CUX1: variants seen among roughly 807,000 people sequenced by gnomAD.
CUX1 encodes the protein protein CASP.
Under a neutral mutation model 158.8 loss-of-function variants are expected in CUX1, and 31 were observed. The ratio of observed to expected loss-of-function variants is 0.20; its 90% CI spans 0.15 to 0.26. The LOEUF (loss-of-function observed/expected upper bound fraction) is 0.26, where lower values mean the gene tolerates loss of function less well. Among genes scored for constraint, CUX1 ranks in the 10% least tolerant of loss-of-function variants. CUX1 has a pLI of 1.00. For missense variants in CUX1, 1,589 were observed against 2,014.6 expected (o/e 0.79, Z 4.04); for synonymous variants, 879 against 862.1 (o/e 1.02, Z -0.34).
rs750170216 is a variant in CUX1, at chr7:101,948,673, G to C, written c.141+32448G>C. Among the ~76,000 whole-genome samples, 8 of 152,192 alleles carry C rather than the reference G, an allele frequency of 5.3e-5. 1 individual carries two copies. Among genetic ancestry groups the C allele is most frequent in the Admixed American group, 6.5e-5 (1 of 15,280 alleles). The stretch of plus-strand genomic sequence containing the variant: ...GGGGCTACTGGTTGGTGGCTCTGCT[G>C]GGGGGGCATCACAGAGTCTCTCTTC... On this transcript the variant is annotated intron_variant, in intron 2 of 23. Transcript: ENST00000292535.
Position 101,869,756 on chromosome 7 carries a change from G to C in CUX1, c.31-46359G>C, listed in dbSNP as rs1798286747. On this transcript the variant is annotated intron_variant, in intron 1 of 23. Transcript: ENST00000292535. The surrounding 1 kb of genome is among the most constrained non-coding windows in gnomAD (Gnocchi z 4.5). Reference sequence around the variant, plus strand: ...CACAGGCTGCAGAGGAAGCGCAGGGGAGGCGCAGGGGAGGCCAGGCTCTGG... The same window carrying C: ...CACAGGCTGCAGAGGAAGCGCAGGGCAGGCGCAGGGGAGGCCAGGCTCTGG... Among the ~76,000 whole-genome samples, 1 of 152,144 alleles carries C rather than the reference G, an allele frequency of 6.6e-6. No homozygotes were observed. Among genetic ancestry groups the C allele is most frequent in the Non-Finnish European group, 1.5e-5 (1 of 67,996 alleles).
At chr7:102,134,832 G>T (rs544597080) in intron 8 of CUX1, among the ~76,000 whole-genome samples, 21 of 152,204 alleles carry the variant, frequency 1.4e-4, no homozygotes, top group African/African-American at 4.8e-4. Context: ...CTGGGCTCAA[G>T]CGATCCTCCC....
At chr7:102,279,470 C>T (rs556044321) in intron 18 of CUX1, among the ~76,000 whole-genome samples, 1 of 152,362 alleles carries the variant, frequency 6.6e-6, no homozygotes, top group South Asian at 2.1e-4. Flanking sequence ...TGCGTGGCTT[C>T]TCTCAGCCCC....
chr7:101,899,199 C>T (rs1446802760), intron 1 of CUX1, among the ~76,000 whole-genome samples: 1 of 152,188 alleles, frequency 6.6e-6, no homozygotes, highest in Non-Finnish European at 1.5e-5. Context: ...CATTACTGAG[C>T]GGCCTTTTGC....
intron 3 of CUX1, among the ~76,000 whole-genome samples, chr7:102,038,371 G>C (rs1411544916): frequency 6.6e-6 from 1 of 152,122 alleles, no homozygotes; most frequent in Non-Finnish European, 1.5e-5. Context: ...CATGTCAATG[G>C]GGGGAGAAAC....
At chr7:102,137,951 C>T (rs1176478705) in intron 8 of CUX1, among the ~76,000 whole-genome samples, 1 of 152,014 alleles carries the variant, frequency 6.6e-6, no homozygotes, top group Non-Finnish European at 1.5e-5. Flanking sequence ...TTTGGGAGGC[C>T]AAGGCAGAAG....
intron 2 of CUX1, among the ~76,000 whole-genome samples, chr7:102,020,153 G>A (rs1375751662): frequency 6.6e-6 from 1 of 152,212 alleles, no homozygotes; most frequent in Non-Finnish European, 1.5e-5. Context: ...CATACTTACT[G>A]TCTGCTGTTG....
intron 1 of CUX1, among the ~76,000 whole-genome samples, chr7:101,877,088 C>T (rs1278248203): frequency 6.6e-6 from 1 of 152,194 alleles, no homozygotes; most frequent in African/African-American, 2.4e-5. Context: ...ATTTTTATGA[C>T]TTTGGGTACA....
chr7:101,977,507 T>C (rs1344689453), intron 2 of CUX1, among the ~76,000 whole-genome samples: 1 of 152,116 alleles, frequency 6.6e-6, no homozygotes, highest in East Asian at 1.9e-4. Context: ...CCAGGCATGA[T>C]GGTGCACACC....
At chr7:101,942,725 C>G (rs1054084336) in intron 2 of CUX1, among the ~76,000 whole-genome samples, 1 of 152,256 alleles carries the variant, frequency 6.6e-6, no homozygotes, top group Non-Finnish European at 1.5e-5. Context: ...CGTCGACCTC[C>G]CAAAGTACTG....
rs576012951 is a variant in CUX1, at chr7:102,015,976, C to T, written c.142-12122C>T. On this transcript the variant is annotated intron_variant, in intron 2 of 23. Coordinates refer to ENST00000292535, the MANE Select transcript of CUX1 (RefSeq NM_181552.4). The stretch of plus-strand genomic sequence containing the variant: ...TACAGGCACATGCCACTACACGTGG[C>T]TACTTTTTAAAATTTTTTTGTAGAG... 2.6e-5 allele frequency among the ~76,000 whole-genome samples: 4 copies of T among 152,122 alleles called. No individual in the cohort carries two copies. In the South Asian group the frequency reaches 8.3e-4, roughly 32 times the overall value.
At chr7:101,884,778 A>G (rs935747655) in intron 1 of CUX1, among the ~76,000 whole-genome samples, 1 of 152,210 alleles carries the variant, frequency 6.6e-6, no homozygotes, top group Non-Finnish European at 1.5e-5. Flanking sequence ...TTTAATGGAT[A>G]TTTACACAGT....
At chr7:102,191,927 C>T (rs553831343) in intron 12 of CUX1, among the ~76,000 whole-genome samples, 24 of 152,260 alleles carry the variant, frequency 1.6e-4, no homozygotes, top group African/African-American at 5.3e-4. Flanking sequence ...CCACAGGCTG[C>T]CCCTACCCCC....
chr7:102,120,466 G>T (rs1480672926), intron 8 of CUX1, among the ~76,000 whole-genome samples: 1 of 152,116 alleles, frequency 6.6e-6, no homozygotes, highest in African/African-American at 2.4e-5. Flanking sequence ...AGTAAAATTC[G>T]TATTTCTTAA....
intron 7 of CUX1, among the ~76,000 whole-genome samples, chr7:102,113,644 A>G (rs1294033436): frequency 6.6e-6 from 1 of 150,524 alleles, no homozygotes; most frequent in African/African-American, 2.5e-5. Flanking sequence ...TGCAGCCTCA[A>G]ACTCCTGGGC....
intron 1 of CUX1, among the ~76,000 whole-genome samples, chr7:101,825,807 G>GCA (rs1793223565): frequency 1.3e-5 from 2 of 149,320 alleles, no homozygotes; most frequent in South Asian, 2.1e-4. Context: ...GTGCGCGCGC[G>GCA]CGCGCAGTTA....
Position 102,249,434 on chromosome 7 carries a change from CAAGGA to C in CUX1, c.*394_*398del. 2.0e-6 allele frequency: 2 copies of C among 986,702 alleles called. No homozygotes were observed. The highest frequency in any genetic ancestry group is 2.4e-6 in the Non-Finnish European group (2 of 830,524). 61.1% of individuals were successfully genotyped at this position (986,702 alleles called of 1,614,324 possible). On this transcript the variant is annotated 3_prime_UTR_variant, in exon 24 of 24. Coordinates refer to ENST00000292535, the MANE Select transcript of CUX1 (RefSeq NM_181552.4). ...TTAAGCCCAATCTATGTCGTGTTTT[CAAGGA>C]AGAAAACGGAAATGTGTGGTCGAGC...
chr7:102,165,350 CTTTTTT>C (rs533978049), intron 9 of CUX1, among the ~76,000 whole-genome samples: 1 of 105,368 alleles, frequency 9.5e-6, no homozygotes, highest in Admixed American at 1.0e-4. Flanking sequence ...TAGGGGAAAG[CTTTTTT>C]TTTTTTTTTT....
chr7:102,243,857 GC>G (rs1554535880), intron 23 of CUX1, among the ~76,000 whole-genome samples: 1 of 151,522 alleles, frequency 6.6e-6, no homozygotes, highest in Admixed American at 6.6e-5. Context: ...GTGAAACCCT[GC>G]CTCTACTAAA....
Sources: gnomAD v4.1 joint callset for allele counts (sites outside exome capture counted in the v4.1 genomes callset) on GRCh38, gnomAD v4.1.1 for gene constraint, Gnocchi (gnomAD v3.1) non-coding constraint, MANE v1.5 for transcripts, NCBI Gene and HGNC (gene_info 2026-07-23, HGNC 2026-07-21) for gene names.